Variants in EBP observed in about 807,000 individuals in gnomAD.
The protein encoded by EBP is 3-beta-hydroxysteroid-Delta(8),Delta(7)-isomerase.
Under a neutral mutation model 14.1 loss-of-function variants are expected in EBP, and 1 was observed. That is an observed-to-expected ratio of 0.07 (90% CI 0.03 to 0.34). The LOEUF (loss-of-function observed/expected upper bound fraction) is 0.34, where lower values mean the gene tolerates loss of function less well. Ranked by LOEUF, EBP falls within the 10% of genes least tolerant of loss-of-function variation. EBP has a pLI of 0.99. For synonymous variants in EBP, 72 were observed against 77.7 expected, an observed-to-expected ratio of 0.93 and a Z score of 0.38; for missense variants, 123 against 184.6, an observed-to-expected ratio of 0.67 and a Z score of 1.93.
At position 48,528,390 on chromosome X, in the gene EBP, A is replaced by C. The variant is rs782809034; in HGVS notation, c.626A>C (p.Lys209Thr). Residue 209 changes from lysine to threonine, a missense_variant, in exon 5 of 5, where the codon AAG becomes ACG. Physicochemically the swap from Lys to Thr is moderately conservative, Grantham distance 78. Coordinates refer to ENST00000495186, the MANE Select transcript of EBP (RefSeq NM_006579.3). ...GGAGTCCTTGTGCTTGATGCTGTGA[A>C]GCACCTCACTCATGCCCAGAGCACG... ...LPGVLVLDAV[K>T]HLTHAQSTLD... The C allele has an allele frequency of 3.4e-6, 4 of 1,186,620 alleles. No individual in the cohort carries two copies. Among genetic ancestry groups the C allele is most frequent in the Non-Finnish European group, 2.3e-6 (2 of 882,137 alleles).
chrX:48,528,658 C>A lies in EBP; in HGVS notation c.*201C>A. ...ATTAGAACACAGATACAAGAGAAGCCAGGAGGTCTATGATGGTGACGATTT... is the reference window on the plus strand; with the variant it reads ...ATTAGAACACAGATACAAGAGAAGCAAGGAGGTCTATGATGGTGACGATTT... On this transcript the variant is annotated 3_prime_UTR_variant, in exon 5 of 5. Transcript: ENST00000495186. 2.2e-6 allele frequency: 1 copy of A among 451,038 alleles called. No homozygotes were observed. The highest frequency in any genetic ancestry group is 2.4e-5 in the African/African-American group (1 of 41,405). 37.2% of individuals were successfully genotyped at this position (451,038 alleles called of 1,213,427 possible).
At chrX:48,526,447 T>C (rs1556977469) in intron 2 of EBP, among the ~76,000 whole-genome samples, 1 of 106,229 alleles carries the variant, frequency 9.4e-6, no homozygotes, top group East Asian at 3.1e-4. Context: ...GCTCAAGACA[T>C]CCTCCCACTG....
In EBP at chrX:48,528,621, C is replaced by G; in HGVS notation, c.*164C>G. On this transcript the variant is annotated 3_prime_UTR_variant, in exon 5 of 5. Transcript: ENST00000495186. ...GGAATAAAGGGGCTGTGTGAAGGCACTGCTGGGAGCCATTAGAACACAGAT... is the reference window on the plus strand; with the variant it reads ...GGAATAAAGGGGCTGTGTGAAGGCAGTGCTGGGAGCCATTAGAACACAGAT... The G allele has an allele frequency of 2.0e-6, 1 of 497,216 alleles. No homozygotes were observed. Among genetic ancestry groups the G allele is most frequent in the Non-Finnish European group, 3.5e-6 (1 of 287,149 alleles). 41.0% of individuals were successfully genotyped at this position (497,216 alleles called of 1,213,427 possible).
chrX:48,528,628 G>C lies in EBP; in HGVS notation c.*171G>C. The C allele has an allele frequency of 4.1e-6, 2 of 488,423 alleles. No homozygotes were observed. The highest frequency in any genetic ancestry group is 6.1e-5 in the Admixed American group (2 of 32,699). 40.3% of individuals were successfully genotyped at this position (488,423 alleles called of 1,213,427 possible). On this transcript the variant is annotated 3_prime_UTR_variant, in exon 5 of 5. Coordinates refer to ENST00000495186, the MANE Select transcript of EBP (RefSeq NM_006579.3). ...AGGGGCTGTGTGAAGGCACTGCTGG[G>C]AGCCATTAGAACACAGATACAAGAG...
intron 4 of EBP, 85 bp downstream of exon 4, chrX:48,527,370 ATC>A: frequency 5.0e-6 from 6 of 1,188,740 alleles, no homozygotes; most frequent in Non-Finnish European, 6.8e-6. Flanking sequence ...TGTGGGTGGG[ATC>A]TCTCAACGGT....
At position 48,524,068 on chromosome X, in the gene EBP, A is replaced by G. The variant is rs1368474321; in HGVS notation, c.297A>G (p.Gln99=). 5 of 1,206,309 alleles carry G rather than the reference A, an allele frequency of 4.1e-6. No individual in the cohort carries two copies. Residue 99 remains glutamine, a synonymous_variant, in exon 2 of 5, where the codon CAA becomes CAG. Transcript: ENST00000495186. ...TTGGAGACCAAGCCTTCTTATCTCA[A>G]CTCTGTGAGTCCTGATTTCTTTCAT... ...DLLGDQAFLS[Q]LWKEYAKGDS... is the part of the protein sequence containing the mutation.
intron 4 of EBP, 89 bp downstream of exon 4, chrX:48,527,374 C>T (rs1461877944): frequency 1.2e-5 from 14 of 1,176,030 alleles, no homozygotes; most frequent in Non-Finnish European, 1.5e-5. Context: ...GGTGGGATCT[C>T]TCAACGGTGC....
chrX:48,527,902 G>A (rs1464026635), intron 4 of EBP, among the ~76,000 whole-genome samples: 1 of 111,979 alleles, frequency 8.9e-6, no homozygotes, highest in African/African-American at 3.2e-5. Context: ...CACTGTGCCC[G>A]GCCTCAGTCA....
intron 2 of EBP, among the ~76,000 whole-genome samples, chrX:48,526,370 T>C (rs1278120823): frequency 1.0e-5 from 1 of 98,954 alleles, no homozygotes; most frequent in East Asian, 3.1e-4. Context: ...TGAGACAGGG[T>C]CTTACCCTGT....
Position 48,523,887 on chromosome X carries a change from C to A in EBP, c.116C>A (p.Thr39Lys). 8.3e-7 allele frequency: 1 copy of A among 1,211,452 alleles called. No homozygotes were observed. Among genetic ancestry groups the A allele is most frequent in the Non-Finnish European group, 1.1e-6 (1 of 895,530 alleles). The change falls in exon 2 of 5, where the codon ACA (threonine) becomes AAA (lysine). Residue 39 changes from threonine to lysine, a missense_variant. By Grantham distance (78) the Thr-to-Lys change is moderately conservative. Coordinates refer to ENST00000495186, the MANE Select transcript of EBP (RefSeq NM_006579.3). ...WHILAGLFSV[T>K]GVLVVTTWLL... ...ATACTGGCTGGCCTCTTCTCTGTCA[C>A]AGGGGTCTTAGTCGTGACCACATGG...
chrX:48,528,370 C>T lies in EBP; in HGVS notation c.606C>T (p.Val202=). 1 of 1,195,705 alleles carries T rather than the reference C, an allele frequency of 8.4e-7. No individual in the cohort carries two copies. The highest frequency in any genetic ancestry group is 1.1e-6 in the Non-Finnish European group (1 of 886,803). Residue 202 remains valine (V), a synonymous_variant, in exon 5 of 5, where the codon GTC becomes GTT. Transcript: ENST00000495186. ...CCCTGTGGCTGGTGCTGCCTGGAGTCCTTGTGCTTGATGCTGTGAAGCACC... is the reference window on the plus strand; with the variant it reads ...CCCTGTGGCTGGTGCTGCCTGGAGTTCTTGTGCTTGATGCTGTGAAGCACC... ...MNALWLVLPG[V]LVLDAVKHLT...
In EBP at chrX:48,523,785, C is replaced by G; in HGVS notation, c.14C>G (p.Ala5Gly). Reference sequence around the variant, plus strand: ...GCCCACAAAGACATGACTACCAACGCGGGCCCCTTGCACCCATACTGGCCT... The same window carrying G: ...GCCCACAAAGACATGACTACCAACGGGGGCCCCTTGCACCCATACTGGCCT... MTTN[A>G]GPLHPYWPQH... Residue 5 changes from alanine to glycine, a missense_variant, in exon 2 of 5, where the codon GCG becomes GGG. Transcript: ENST00000495186. 1 of 1,204,734 alleles carries G rather than the reference C, an allele frequency of 8.3e-7. No individual in the cohort carries two copies. The highest frequency in any genetic ancestry group is 3.0e-5 in the East Asian group (1 of 33,608).
intron 2 of EBP, among the ~76,000 whole-genome samples, chrX:48,524,308 C>A (rs1004872996): frequency 9.1e-5 from 10 of 109,761 alleles, no homozygotes; most frequent in South Asian, 4.0e-4. Context: ...GCCTGGTCAA[C>A]ATGGCAAAAC....
intron 1 of EBP, 41 bp from the exon 2 acceptor site, chrX:48,523,658 T>C: frequency 1.2e-6 from 1 of 813,037 alleles, no homozygotes; most frequent in Admixed American, 3.2e-5. Context: ...ACTATTTGAA[T>C]TTGATTTTAT....
chrX:48,523,128 A>AT (rs35751041), intron 1 of EBP, among the ~76,000 whole-genome samples: 5 of 110,607 alleles, frequency 4.5e-5, no homozygotes, highest in Non-Finnish European at 9.5e-5. Context: ...TGATTTTCTT[A>AT]TTTTTTTAGA....
intron 2 of EBP, among the ~76,000 whole-genome samples, chrX:48,526,605 T>C (rs1334600349): frequency 8.9e-6 from 1 of 112,091 alleles, no homozygotes; most frequent in Non-Finnish European, 1.9e-5. Flanking sequence ...GTGTTGGGAT[T>C]ACAGGCATGA....
At chrX:48,525,924 T>C (rs781823343) in intron 2 of EBP, among the ~76,000 whole-genome samples, 1 of 108,000 alleles carries the variant, frequency 9.3e-6, no homozygotes, top group African/African-American at 3.4e-5. Flanking sequence ...CCGTCTCTAC[T>C]AAAAGTCTAA....
At chrX:48,527,646 C>T (rs2061783323) in intron 4 of EBP, 1 of 257,453 alleles carries the variant, frequency 3.9e-6, no homozygotes, top group Admixed American at 5.7e-5. Context: ...GGCTCTGTCA[C>T]CCAGGCCAGA....
At position 48,527,507 on chromosome X, in the gene EBP, A is replaced by G. The variant is rs146097896; in HGVS notation, c.469+222A>G. On this transcript the variant is annotated intron_variant, in intron 4 of 4. Transcript: ENST00000495186. ...TTTTTCTTCCTCCTCCTCCTTCTCC[A>G]TCACAAAGTCTCCTGTGAAGGTTAC... 1.7e-3 allele frequency: 883 copies of G among 513,198 alleles called. 4 individuals carry two copies. The African/African-American group carries it at 0.019, about 11-fold the overall frequency. 42.3% of individuals were successfully genotyped at this position (513,198 alleles called of 1,213,427 possible). A position where few individuals can be genotyped will look rare whatever the true frequency, so the allele number is the denominator to read the frequency against.
Sources: allele counts gnomAD v4.1 joint callset (sites outside exome capture counted in the v4.1 genomes callset), GRCh38; gene constraint gnomAD v4.1.1; transcripts MANE v1.5; gene names NCBI Gene and HGNC (gene_info 2026-07-23, HGNC 2026-07-21).